The following COL2A1 variants were observed in gnomAD, a reference collection of about 807,000 sequenced individuals.
COL2A1 encodes collagen alpha-1(II) chain.
Under a neutral mutation model 204.5 loss-of-function variants are expected in COL2A1, and 28 were observed. That is an observed-to-expected ratio of 0.14 (90% CI 0.10 to 0.19). The LOEUF is 0.19. Ranked by LOEUF, COL2A1 falls within the 10% of genes least tolerant of loss-of-function variation. The probability of loss-of-function intolerance (pLI) is 1.00; values close to 1 mark genes in which losing one functional copy is unlikely to be tolerated. For missense variants in COL2A1, 1,388 were observed against 2,027.5 expected, an observed-to-expected ratio of 0.68 and a Z score of 6.06; for synonymous variants, 708 against 718.7, an observed-to-expected ratio of 0.99 and a Z score of 0.24.
intron 51 of COL2A1, 78 bp downstream of exon 51, chr12:47,975,239 G>A: frequency 3.2e-6 from 5 of 1,553,042 alleles, no homozygotes; most frequent in Non-Finnish European, 4.4e-6. Context: ...GTACTAGGGG[G>A]CATCTCCTCC....
In COL2A1 at chr12:47,982,180, G is replaced by A. The variant is rs746747042; in HGVS notation, c.2302-20C>T. On this transcript the variant is annotated intron_variant, in intron 34 of 53. Coordinates refer to ENST00000380518, the MANE Select transcript of COL2A1 (RefSeq NM_001844.5). ...GTCACCCTGAGGGAAGAGAAAACCAGCCGCCTCAGCCAGGCACCCCAGGAC... is the reference window on the plus strand; with the variant it reads ...GTCACCCTGAGGGAAGAGAAAACCAACCGCCTCAGCCAGGCACCCCAGGAC... 11 of 1,610,552 alleles carry A rather than the reference G, an allele frequency of 6.8e-6. No homozygotes were observed. In the African/African-American group the frequency reaches 1.3e-4, roughly 20 times the overall value.
At chr12:47,985,688 A>G in intron 25 of COL2A1, 40 bp downstream of exon 25, 6 of 1,611,256 alleles carry the variant, frequency 3.7e-6, no homozygotes, top group Non-Finnish European at 4.2e-6. Flanking sequence ...GAAGGGCCTG[A>G]GGGTCTGAAG....
rs1213512512 is a variant in COL2A1, at chr12:47,987,002, G to C, written c.1365+76C>G. 1.9e-6 allele frequency: 3 copies of C among 1,582,952 alleles called. No individual in the cohort carries two copies. Among genetic ancestry groups the C allele is most frequent in the Non-Finnish European group, 2.6e-6 (3 of 1,151,710 alleles). On this transcript the variant is annotated intron_variant, in intron 21 of 53. Transcript: ENST00000380518. This position sits in a 1 kb window ranked among gnomAD's most constrained non-coding sequence, Gnocchi z 4.1. ...AGGCCGCTGTGAGGCCAGGGCAGGA[G>C]AGCATGGGAAAGAGGGGTGATGGGG...
chr12:47,995,423 T>C, intron 10 of COL2A1, 115 bp from the exon 11 acceptor site: 3 of 975,638 alleles, frequency 3.1e-6, no homozygotes, highest in East Asian at 2.4e-5. Context: ...AGAAGAAAGA[T>C]GGGAAGGTCA....
Position 47,976,196 on chromosome 12 carries a change from G to T in COL2A1, c.3490-126C>A. 1 of 775,996 alleles carries T rather than the reference G, an allele frequency of 1.3e-6. No individual in the cohort carries two copies. Among genetic ancestry groups the T allele is most frequent in the Non-Finnish European group, 2.3e-6 (1 of 430,000 alleles). 48.1% of individuals were successfully genotyped at this position (775,996 alleles called of 1,614,324 possible). A position where few individuals can be genotyped will look rare whatever the true frequency, so the allele number is the denominator to read the frequency against. On this transcript the variant is annotated intron_variant, in intron 49 of 53. Transcript: ENST00000380518. The surrounding 1 kb of genome is among the most constrained non-coding windows in gnomAD (Gnocchi z 4.3). ...CCGCCCCCAGTTCTTCACATGCTCA[G>T]TCATGGAACCCTAAGTTGGTCTCTA...
chr12:47,979,869 G>T, intron 40 of COL2A1, 140 bp downstream of exon 40: 1 of 773,304 alleles, frequency 1.3e-6, no homozygotes, highest in Non-Finnish European at 2.1e-6. Flanking sequence ...CTCCCACCTG[G>T]CTGTGGGTGG....
At position 47,976,462 on chromosome 12, in the gene COL2A1, G is replaced by A; in HGVS notation, c.3489+52C>T. 6.3e-7 allele frequency: 1 copy of A among 1,588,310 alleles called. No homozygotes were observed. Among genetic ancestry groups the A allele is most frequent in the Non-Finnish European group, 8.6e-7 (1 of 1,156,740 alleles). On this transcript the variant is annotated intron_variant, in intron 49 of 53. Transcript: ENST00000380518. This position sits in a 1 kb window ranked among gnomAD's most constrained non-coding sequence, Gnocchi z 4.3. ...GCATTTCCCTCCCCATGGGAACACA[G>A]GCCCACACTCTCTGAAGGGCCCCCT...
At chr12:47,998,618 C>G in intron 2 of COL2A1, 187 bp from the exon 3 acceptor site, 1 of 638,016 alleles carries the variant, frequency 1.6e-6, no homozygotes, top group Admixed American at 3.0e-5. Context: ...CCTGGGGTTG[C>G]TGAGGTCCCA....
intron 29 of COL2A1, 138 bp downstream of exon 29, chr12:47,983,949 T>G: frequency 1.0e-6 from 1 of 972,262 alleles, no homozygotes; most frequent in Non-Finnish European, 1.6e-6. Context: ...ACACCCTGCC[T>G]CAGCTCAGAG....
At position 48,004,325 on chromosome 12, in the gene COL2A1, T is replaced by C. The variant is rs1443184506; in HGVS notation, c.-4A>G. On this transcript the variant is annotated 5_prime_UTR_variant, in exon 1 of 54. Transcript: ENST00000380518. ...GGGGAGCCCCGAGGCGAATCATGGC[T>C]CACCGCGGGGCCTGGCTGAGCCGGG... is the stretch of plus-strand genomic sequence containing the variant. 1.3e-6 allele frequency: 2 copies of C among 1,540,486 alleles called. No homozygotes were observed. Among genetic ancestry groups the C allele is most frequent in the Admixed American group, 3.9e-5 (2 of 50,930 alleles).
rs1028543741 is a variant in COL2A1, at chr12:47,983,574, C to T, written c.1995+109G>A. 3 of 1,444,126 alleles carry T rather than the reference C, an allele frequency of 2.1e-6. No individual in the cohort carries two copies. The African/African-American group carries it at 4.2e-5, about 20-fold the overall frequency. The allele number at this position is 1,444,126 out of a possible 1,614,324, so 89.5% of individuals were successfully genotyped here. The stretch of plus-strand genomic sequence containing the variant: ...CAGGGGTGCAGGGAAGGCTCGATGC[C>T]TGGCACCCTGCAAGAGGTGTGGGCC... On this transcript the variant is annotated intron_variant, in intron 30 of 53. Coordinates refer to ENST00000380518, the MANE Select transcript of COL2A1 (RefSeq NM_001844.5).
In COL2A1 at chr12:47,973,404, T is replaced by C. The variant is rs778930362; in HGVS notation, c.*3A>G. On this transcript the variant is annotated 3_prime_UTR_variant, in exon 54 of 54. Coordinates refer to ENST00000380518, the MANE Select transcript of COL2A1 (RefSeq NM_001844.5). ...GGATTGTGTTGTTTCTGGGTTCAGG[T>C]TTTTACAAGAAGCAGACCGGCCCTA... 1.9e-6 allele frequency: 3 copies of C among 1,613,858 alleles called. No homozygotes were observed. The African/African-American group carries it at 4.0e-5, about 22-fold the overall frequency.
chr12:47,973,659 C>T (rs1938547327), intron 53 of COL2A1, 106 bp from the exon 54 acceptor site: 3 of 1,352,212 alleles, frequency 2.2e-6, no homozygotes, highest in Non-Finnish European at 3.1e-6. Context: ...TCAGAGCCCA[C>T]AAGGTTGAAC....
At chr12:47,993,585 T>A in intron 14 of COL2A1, 83 bp from the exon 15 acceptor site, 2 of 1,304,142 alleles carry the variant, frequency 1.5e-6, no homozygotes, top group Non-Finnish European at 2.2e-6. Context: ...CCAAAAGCCC[T>A]GGTCATCTCA....
At position 47,987,791 on chromosome 12, in the gene COL2A1, G is replaced by A. The variant is rs1164627147; in HGVS notation, c.1123-82C>T. The A allele has an allele frequency of 4.7e-6, 5 of 1,062,838 alleles. No homozygotes were observed. The highest frequency in any genetic ancestry group is 1.6e-5 in the African/African-American group (1 of 63,622). 65.8% of individuals were successfully genotyped at this position (1,062,838 alleles called of 1,614,324 possible). A position where few individuals can be genotyped will look rare whatever the true frequency, so the allele number is the denominator to read the frequency against. On this transcript the variant is annotated intron_variant, in intron 18 of 53. Coordinates refer to ENST00000380518, the MANE Select transcript of COL2A1 (RefSeq NM_001844.5). This position sits in a 1 kb window ranked among gnomAD's most constrained non-coding sequence, Gnocchi z 4.1. ...GTGGGTGGGCAATAGCTCAGGGCCA[G>A]CTGCAAGCACAGCACTAAATTATGC...
rs763808202 is a variant in COL2A1 at position 47,987,599 on chromosome 12, A to C, written c.1221+12T>G. ...CCCAGACCCCCCCAGGCCAAAGAGA[A>C]GCTGCACTTACGGAGGCACCAGCAG... On this transcript the variant is annotated intron_variant, in intron 19 of 53. Transcript: ENST00000380518. This position sits in a 1 kb window ranked among gnomAD's most constrained non-coding sequence, Gnocchi z 4.1. The C allele has an allele frequency of 2.7e-5, 43 of 1,607,326 alleles. No individual in the cohort carries two copies. Among genetic ancestry groups the C allele is most frequent in the Non-Finnish European group, 3.6e-5 (42 of 1,175,920 alleles).
rs931889900 is a variant in COL2A1 at position 47,985,834 on chromosome 12, G to A, written c.1582-8C>T. The A allele has an allele frequency of 6.2e-7, 1 of 1,605,150 alleles. No homozygotes were observed. The highest frequency in any genetic ancestry group is 1.3e-5 in the African/African-American group (1 of 74,600). On this transcript the variant is annotated splice_polypyrimidine_tract_variant and splice_region_variant and intron_variant, in intron 24 of 53. Coordinates refer to ENST00000380518, the MANE Select transcript of COL2A1 (RefSeq NM_001844.5). ...TCGCTCTCCAGGGGCTCCCTACAAG[G>A]GTACACAGGGAGTCAGTGGGATACC...
At chr12:47,994,145 G>A in intron 12 of COL2A1, 98 bp from the exon 13 acceptor site, 9 of 1,387,106 alleles carry the variant, frequency 6.5e-6, no homozygotes, top group Non-Finnish European at 9.2e-6. Context: ...TGGGCCACCA[G>A]GGCGTTGTCT....
At chr12:47,981,304 G>T in intron 37 of COL2A1, 39 bp downstream of exon 37, 1 of 1,603,678 alleles carries the variant, frequency 6.2e-7, no homozygotes, top group Non-Finnish European at 8.5e-7. Context: ...GTTCCCAGGG[G>T]CCTCGGGCAG....
Sources: gnomAD v4.1 joint callset for allele counts on GRCh38, gnomAD v4.1.1 for gene constraint, Gnocchi (gnomAD v3.1) non-coding constraint, MANE v1.5 for transcripts, NCBI Gene and HGNC (gene_info 2026-07-23, HGNC 2026-07-21) for gene names.